The following NHS variants were observed in gnomAD, a reference collection of about 807,000 sequenced individuals.
The protein encoded by NHS is NHS actin remodeling regulator, also known as actin remodeling regulator NHS.
NHS carries 5 observed loss-of-function variants against 72.5 expected under a neutral mutation model. The ratio of observed to expected loss-of-function variants is 0.07; its 90% CI spans 0.04 to 0.14. NHS has a LOEUF of 0.14. NHS is among the 10% of genes least tolerant of loss of function. NHS has a pLI of 1.00. For synonymous variants in NHS, 464 were observed against 547.7 expected, an observed-to-expected ratio of 0.85 and a Z score of 2.13; for missense variants, 1,072 against 1,355.7, an observed-to-expected ratio of 0.79 and a Z score of 3.29.
At chrX:17,611,460 G>A (rs979565582) in intron 1 of NHS, among the ~76,000 whole-genome samples, 5 of 111,705 alleles carry the variant, frequency 4.5e-5, no homozygotes, top group African/African-American at 9.8e-5. Flanking sequence ...CTCCCCCTAC[G>A]GAAACATAAC....
At chrX:17,554,075 AGAGCTAAG>A (rs2065352205) in intron 1 of NHS, among the ~76,000 whole-genome samples, 1 of 112,466 alleles carries the variant, frequency 8.9e-6, no homozygotes, top group African/African-American at 3.2e-5. Context: ...ACTAAGGAGA[AGAGCTAAG>A]GAGCTAAGGA....
chrX:17,553,567 A>T (rs2065348446), intron 1 of NHS, among the ~76,000 whole-genome samples: 1 of 111,662 alleles, frequency 9.0e-6, no homozygotes, highest in African/African-American at 3.3e-5. Flanking sequence ...ACTCAAACTT[A>T]TTTTTTAGCC....
At chrX:17,662,509 G>A (rs2065987298) in intron 1 of NHS, among the ~76,000 whole-genome samples, 1 of 111,648 alleles carries the variant, frequency 9.0e-6, no homozygotes, top group Non-Finnish European at 1.9e-5. Context: ...TTCAAATTAA[G>A]GCTATAATTA....
intron 1 of NHS, among the ~76,000 whole-genome samples, chrX:17,452,151 A>G (rs2064808043): frequency 8.9e-6 from 1 of 111,805 alleles, no homozygotes; most frequent in Non-Finnish European, 1.9e-5. Context: ...GGCAATTGTG[A>G]TGAACATGGT....
Position 17,728,173 on chromosome X carries a change from C to T in NHS, c.4067C>T (p.Thr1356Ile), listed in dbSNP as rs1346393979. Residue 1356 changes from threonine (T) to isoleucine (I), a missense_variant, in exon 7 of 9, where the codon ACT becomes ATT. Thr to Ile is a moderately conservative substitution (Grantham distance 89). Coordinates refer to ENST00000676302, the MANE Select transcript of NHS (RefSeq NM_001291867.2). ...CGCCACCATGACAAAGTGCCTGGTACTATCAGCTATGAATCGGAGATAACA... is the reference window on the plus strand; with the variant it reads ...CGCCACCATGACAAAGTGCCTGGTATTATCAGCTATGAATCGGAGATAACA... ...MSRHHDKVPG[T>I]ISYESEITSV... 3 of 1,211,470 alleles carry T rather than the reference C, an allele frequency of 2.5e-6. No individual in the cohort carries two copies. Among genetic ancestry groups the T allele is most frequent in the Non-Finnish European group, 3.4e-6 (3 of 895,262 alleles).
chrX:17,683,661 T>C (rs1460037954), intron 1 of NHS, among the ~76,000 whole-genome samples: 2 of 111,889 alleles, frequency 1.8e-5, no homozygotes, highest in African/African-American at 6.5e-5. Context: ...ACTTGGCATA[T>C]GGTTGGAGCT....
intron 1 of NHS, among the ~76,000 whole-genome samples, chrX:17,598,629 C>G (rs995211880): frequency 2.7e-5 from 3 of 111,556 alleles, no homozygotes; most frequent in Non-Finnish European, 5.7e-5. Context: ...TCATGGCTTC[C>G]CTAGGGTCAT....
intron 1 of NHS, among the ~76,000 whole-genome samples, chrX:17,533,187 T>C (rs2065207084): frequency 8.9e-6 from 1 of 112,437 alleles, no homozygotes; most frequent in Admixed American, 9.3e-5. Context: ...GTGAAAGTCA[T>C]TGGCATGGCT....
chrX:17,395,528 G>C (rs1463905807), intron 1 of NHS, among the ~76,000 whole-genome samples: 2 of 112,343 alleles, frequency 1.8e-5, no homozygotes, highest in Non-Finnish European at 3.8e-5. Context: ...CTAGCTCAGT[G>C]GTCACCCTTT....
chrX:17,556,916 T>G (rs2065377904), intron 1 of NHS, among the ~76,000 whole-genome samples: 1 of 109,455 alleles, frequency 9.1e-6, no homozygotes, highest in South Asian at 4.0e-4. Context: ...ATAAATTGTG[T>G]TGTAACTAAA....
At chrX:17,607,119 T>G (rs967916872) in intron 1 of NHS, among the ~76,000 whole-genome samples, 4 of 110,803 alleles carry the variant, frequency 3.6e-5, no homozygotes, top group Admixed American at 1.9e-4. Flanking sequence ...AAAAGCAAGA[T>G]CTTGTCCAGC....
At chrX:17,413,150 C>T (rs1297364666) in intron 1 of NHS, among the ~76,000 whole-genome samples, 2 of 112,232 alleles carry the variant, frequency 1.8e-5, no homozygotes, top group African/African-American at 6.5e-5. Context: ...CACATACACA[C>T]AAGAATGAAG....
At chrX:17,567,673 G>A (rs1252579234) in intron 1 of NHS, among the ~76,000 whole-genome samples, 2 of 109,655 alleles carry the variant, frequency 1.8e-5, no homozygotes, top group Non-Finnish European at 3.8e-5. Context: ...TGTGGAGCAG[G>A]GAGAAGAAGA....
intron 8 of NHS, among the ~76,000 whole-genome samples, chrX:17,731,298 C>T (rs1418924732): frequency 4.6e-5 from 4 of 86,798 alleles, no homozygotes; most frequent in East Asian, 3.9e-4. Context: ...AGTGCAATGG[C>T]GTGATCTCAG....
chrX:17,685,043 G>C (rs1401264586), intron 1 of NHS, among the ~76,000 whole-genome samples: 1 of 112,077 alleles, frequency 8.9e-6, no homozygotes, highest in Non-Finnish European at 1.9e-5. Context: ...CAGTGGAGCA[G>C]CTCACGAATG....
chrX:17,420,974 T>C (rs2064620438), intron 1 of NHS, among the ~76,000 whole-genome samples: 1 of 111,038 alleles, frequency 9.0e-6, no homozygotes, highest in Non-Finnish European at 1.9e-5. Flanking sequence ...ATAAGAAATA[T>C]AGAGACAGGT....
At chrX:17,640,073 G>A in intron 1 of NHS, among the ~76,000 whole-genome samples, 1 of 112,040 alleles carries the variant, frequency 8.9e-6, no homozygotes, top group Non-Finnish European at 1.9e-5. Flanking sequence ...AGATGGTAAG[G>A]TTTAGGAAGA....
intron 1 of NHS, among the ~76,000 whole-genome samples, chrX:17,681,519 T>A (rs935604572): frequency 2.7e-5 from 3 of 111,355 alleles, no homozygotes; most frequent in African/African-American, 6.5e-5. Flanking sequence ...GTGACTGGCA[T>A]CAAATGGAGG....
intron 1 of NHS, among the ~76,000 whole-genome samples, chrX:17,427,585 A>G (rs1212784984): frequency 1.8e-5 from 2 of 112,427 alleles, no homozygotes; most frequent in Non-Finnish European, 3.7e-5. Context: ...GGTTTGGTCC[A>G]TTGAGTCTGC....
Sources: allele counts gnomAD v4.1 joint callset (sites outside exome capture counted in the v4.1 genomes callset), GRCh38; gene constraint gnomAD v4.1.1; transcripts MANE v1.5; gene names NCBI Gene and HGNC (gene_info 2026-07-23, HGNC 2026-07-21).